Variants in ENPP6 observed in about 807,000 individuals in gnomAD.
ENPP6 encodes the protein glycerophosphocholine cholinephosphodiesterase ENPP6.
In ENPP6, 32 loss-of-function variants were observed where a neutral mutation model predicts 42.0. The observed-to-expected ratio is 0.76, with a 90% CI of 0.58 to 1.02. The LOEUF (loss-of-function observed/expected upper bound fraction) is 1.02, where lower values mean the gene tolerates loss of function less well. Ranked by LOEUF, ENPP6 falls within the 50% of genes least tolerant of loss-of-function variation. The pLI, the probability that ENPP6 is intolerant of heterozygous loss-of-function variation, is 0.00. For missense variants in ENPP6, 552 were observed against 566.8 expected (o/e 0.97, Z 0.27); for synonymous variants, 213 against 216.0 (o/e 0.99, Z 0.12).
chr4:184,117,539 G>A (rs1338468515), intron 4 of ENPP6, among the ~76,000 whole-genome samples: 1 of 152,218 alleles, frequency 6.6e-6, no homozygotes, highest in African/African-American at 2.4e-5. Context: ...AGGCGAGAAA[G>A]CACACCTAGG....
At chr4:184,145,396 A>G (rs960062361) in intron 2 of ENPP6, among the ~76,000 whole-genome samples, 1 of 151,966 alleles carries the variant, frequency 6.6e-6, no homozygotes, top group African/African-American at 2.4e-5. Context: ...ATCAAATGAC[A>G]CATTTTGTTT....
chr4:184,217,493 A>C (rs571966260), intron 1 of ENPP6, 86 bp downstream of exon 1: 1 of 1,543,468 alleles, frequency 6.5e-7, no homozygotes, highest in Non-Finnish European at 8.8e-7. Flanking sequence ...CAGAGCATTT[A>C]AATAAGACTC....
intron 1 of ENPP6, among the ~76,000 whole-genome samples, chr4:184,169,227 T>C (rs1038136926): frequency 6.6e-6 from 1 of 152,088 alleles, no homozygotes; most frequent in Non-Finnish European, 1.5e-5. Flanking sequence ...CATCCAGCCC[T>C]AGCCAGGCCA....
At chr4:184,103,394 C>A (rs1296751326) in intron 6 of ENPP6, among the ~76,000 whole-genome samples, 1 of 152,184 alleles carries the variant, frequency 6.6e-6, no homozygotes, top group African/African-American at 2.4e-5. Context: ...AAAGGTGAAA[C>A]CTATCTAAGG....
chr4:184,170,004 C>T (rs1196631814), intron 1 of ENPP6, among the ~76,000 whole-genome samples: 1 of 152,140 alleles, frequency 6.6e-6, no homozygotes, highest in Non-Finnish European at 1.5e-5. Flanking sequence ...TACTGAGGTA[C>T]TTTTAAAAAA....
At chr4:184,151,530 T>C (rs989588114) in intron 2 of ENPP6, among the ~76,000 whole-genome samples, 3 of 152,138 alleles carry the variant, frequency 2.0e-5, no homozygotes, top group Non-Finnish European at 4.4e-5. Context: ...GAAGGTTTTG[T>C]GTGTGAGGGT....
chr4:184,210,683 CAGAA>C (rs1395254770), intron 1 of ENPP6, among the ~76,000 whole-genome samples: 2 of 143,582 alleles, frequency 1.4e-5, no homozygotes, highest in Non-Finnish European at 3.1e-5. Flanking sequence ...ATCAACGAGA[CAGAA>C]AGTCAACAAG....
At position 184,090,817 on chromosome 4, in the gene ENPP6, G is replaced by A; in HGVS notation, c.*360C>T. 1 of 403,112 alleles carries A rather than the reference G, an allele frequency of 2.5e-6. No homozygotes were observed. The highest frequency in any genetic ancestry group is 4.4e-6 in the Non-Finnish European group (1 of 227,522). The allele number at this position is 403,112 out of a possible 1,614,324, so 25.0% of individuals were successfully genotyped here. A position where few individuals can be genotyped will look rare whatever the true frequency, so the allele number is the denominator to read the frequency against. ...TGAGGGGGTCCTTTGTGCAAGGTGG[G>A]ACAGAGAGGGGCCCAGAGCCACGTC... On this transcript the variant is annotated 3_prime_UTR_variant, in exon 8 of 8. Coordinates refer to ENST00000296741, the MANE Select transcript of ENPP6 (RefSeq NM_153343.4).
chr4:184,182,104 C>G (rs1732564640), intron 1 of ENPP6, among the ~76,000 whole-genome samples: 1 of 151,606 alleles, frequency 6.6e-6, no homozygotes, highest in South Asian at 2.1e-4. Context: ...TTTTTGCAAT[C>G]TATCCATCAG....
At chr4:184,166,357 T>C (rs972461726) in intron 1 of ENPP6, among the ~76,000 whole-genome samples, 1 of 151,958 alleles carries the variant, frequency 6.6e-6, no homozygotes, top group African/African-American at 2.4e-5. Flanking sequence ...ATTAGGAACA[T>C]TCACACTCAT....
chr4:184,165,172 T>C (rs1269859059), intron 1 of ENPP6, among the ~76,000 whole-genome samples: 2 of 152,184 alleles, frequency 1.3e-5, no homozygotes, highest in African/African-American at 4.8e-5. Flanking sequence ...AAATCGATTT[T>C]CTGGACACTT....
At chr4:184,200,101 A>T (rs1325292325) in intron 1 of ENPP6, among the ~76,000 whole-genome samples, 1 of 152,194 alleles carries the variant, frequency 6.6e-6, no homozygotes, top group Admixed American at 6.5e-5. Flanking sequence ...ACCAATAGAA[A>T]GTGAAAGGTG....
chr4:184,163,756 C>CTA (rs759473290), intron 1 of ENPP6, among the ~76,000 whole-genome samples: 5 of 152,108 alleles, frequency 3.3e-5, no homozygotes, highest in Admixed American at 6.5e-5. Context: ...TCTCTGAGGC[C>CTA]TATGTGTGTT....
chr4:184,163,491 A>C (rs948251911), intron 1 of ENPP6, among the ~76,000 whole-genome samples: 1 of 152,204 alleles, frequency 6.6e-6, no homozygotes, highest in African/African-American at 2.4e-5. Context: ...TTATGGTTAC[A>C]GTTGGACTCT....
At chr4:184,118,918 C>T (rs939319389) in intron 3 of ENPP6, among the ~76,000 whole-genome samples, 19 of 152,218 alleles carry the variant, frequency 1.2e-4, no homozygotes, top group African/African-American at 4.6e-4. Context: ...TTCAGGGACA[C>T]CTGAGTCTCC....
intron 1 of ENPP6, among the ~76,000 whole-genome samples, chr4:184,207,630 C>T (rs1001613458): frequency 4.6e-5 from 7 of 152,232 alleles, no homozygotes; most frequent in African/African-American, 9.7e-5. Context: ...ACACACACCA[C>T]GCCGGTGGCT....
intron 6 of ENPP6, among the ~76,000 whole-genome samples, chr4:184,110,208 C>A (rs1356515941): frequency 2.0e-5 from 3 of 152,152 alleles, no homozygotes; most frequent in African/African-American, 7.2e-5. Flanking sequence ...GGGCCCCAGT[C>A]TACCTGACTC....
chr4:184,132,057 T>A (rs1560987830), intron 2 of ENPP6, among the ~76,000 whole-genome samples: 1 of 152,122 alleles, frequency 6.6e-6, no homozygotes, highest in Non-Finnish European at 1.5e-5. Context: ...ACCCCTTCCC[T>A]CCTAAGCCTT....
intron 2 of ENPP6, among the ~76,000 whole-genome samples, chr4:184,145,300 C>T (rs879398180): frequency 6.6e-6 from 1 of 152,224 alleles, no homozygotes. Flanking sequence ...CCCCCTTTCA[C>T]CTCCCTGCCT....
Sources: gnomAD v4.1 joint callset for allele counts (sites outside exome capture counted in the v4.1 genomes callset) on GRCh38, gnomAD v4.1.1 for gene constraint, MANE v1.5 for transcripts, NCBI Gene and HGNC (gene_info 2026-07-23, HGNC 2026-07-21) for gene names.